The following CHST8 variants were observed in gnomAD, a reference collection of about 807,000 sequenced individuals.
The protein encoded by CHST8 is GALNAC-4-ST1.
Under a neutral mutation model 15.0 loss-of-function variants are expected in CHST8, and 10 were observed. The ratio of observed to expected loss-of-function variants is 0.67; its 90% CI spans 0.41 to 1.13. CHST8 has a LOEUF of 1.13. Ranked by LOEUF, CHST8 falls within the 50% of genes most tolerant of loss-of-function variation. The pLI is 0.00. For synonymous variants in CHST8, 259 were observed against 256.6 expected (o/e 1.01, Z -0.09); for missense variants, 634 against 608.2 (o/e 1.04, Z -0.45).
At chr19:33,742,747 G>GT (rs1329415444) in intron 3 of CHST8, among the ~76,000 whole-genome samples, 2 of 152,086 alleles carry the variant, frequency 1.3e-5, no homozygotes, top group Non-Finnish European at 2.9e-5. Flanking sequence ...TGACTTTCTT[G>GT]TTTTTTGGGA....
rs1024746127 is a variant in CHST8, at chr19:33,773,215, G to T, written c.*152G>T. 5 of 891,890 alleles carry T rather than the reference G, an allele frequency of 5.6e-6. No homozygotes were observed. Among genetic ancestry groups the T allele is most frequent in the African/African-American group, 1.7e-5 (1 of 59,112 alleles). 55.2% of individuals were successfully genotyped at this position (891,890 alleles called of 1,614,324 possible). ...GGGAGGCAGCAGGCCCCGGGTGGGG[G>T]GCAGAGGCGCCCAGCCTTGGATGGG... is the stretch of plus-strand genomic sequence containing the variant. On this transcript the variant is annotated 3_prime_UTR_variant, in exon 5 of 5. Transcript: ENST00000650847.
intron 2 of CHST8, among the ~76,000 whole-genome samples, chr19:33,683,275 T>C (rs1352983155): frequency 2.0e-5 from 3 of 152,194 alleles, no homozygotes; most frequent in Non-Finnish European, 4.4e-5. Flanking sequence ...ATCTCAATGG[T>C]GTGTGTCTTT....
At chr19:33,627,972 C>T (rs925438620) in intron 1 of CHST8, among the ~76,000 whole-genome samples, 1 of 152,042 alleles carries the variant, frequency 6.6e-6, no homozygotes, top group Non-Finnish European at 1.5e-5. Flanking sequence ...TGATTCTAGG[C>T]TGTGATAAGG....
intron 1 of CHST8, among the ~76,000 whole-genome samples, chr19:33,634,194 G>A (rs780033186): frequency 4.6e-5 from 7 of 152,074 alleles, no homozygotes; most frequent in South Asian, 2.1e-4. Flanking sequence ...TGAGTGTTCC[G>A]TACGTAACTC....
At chr19:33,644,489 C>A (rs970740985) in intron 1 of CHST8, among the ~76,000 whole-genome samples, 5 of 152,070 alleles carry the variant, frequency 3.3e-5, no homozygotes, top group African/African-American at 1.2e-4. Context: ...AATTCCAGCA[C>A]TTTGGGAAGC....
chr19:33,635,722 C>T (rs995201958), intron 1 of CHST8, among the ~76,000 whole-genome samples: 1 of 152,160 alleles, frequency 6.6e-6, no homozygotes, highest in Admixed American at 6.6e-5. Flanking sequence ...AGTTGACCCA[C>T]CACACAAGGG....
At chr19:33,756,766 C>T (rs760857221) in intron 3 of CHST8, among the ~76,000 whole-genome samples, 2 of 152,178 alleles carry the variant, frequency 1.3e-5, no homozygotes, top group African/African-American at 4.8e-5. Flanking sequence ...CCTTTTGGGC[C>T]TCACTCTTCT....
chr19:33,698,322 C>T (rs928177853), intron 3 of CHST8, among the ~76,000 whole-genome samples: 4 of 151,500 alleles, frequency 2.6e-5, no homozygotes, highest in Admixed American at 2.6e-4. Context: ...AATCCTTTAT[C>T]CAGTGAGCTG....
chr19:33,765,386 C>T, intron 3 of CHST8, among the ~76,000 whole-genome samples: 1 of 152,060 alleles, frequency 6.6e-6, no homozygotes, highest in East Asian at 1.9e-4. Context: ...TCATTTTAAG[C>T]CTCCCAGTTT....
In CHST8 at chr19:33,681,890, G is replaced by A. The variant is rs114655675; in HGVS notation, c.-86-7286G>A. On this transcript the variant is annotated intron_variant, in intron 2 of 4. Coordinates refer to ENST00000650847, the MANE Select transcript of CHST8 (RefSeq NM_001127895.2). ...TTTTGCTTTTTTTTTTTTTTTAACG[G>A]AGTTTCGCTCTTGTCACCCAGGCTG... Among the ~76,000 whole-genome samples, 1,285 of 150,818 alleles carry A rather than the reference G, an allele frequency of 8.5e-3. 14 individuals carry two copies. Among genetic ancestry groups the A allele is most frequent in the African/African-American group, 0.03 (1,223 of 41,030 alleles).
intron 3 of CHST8, among the ~76,000 whole-genome samples, chr19:33,723,521 C>T (rs1400984423): frequency 6.6e-6 from 1 of 152,170 alleles, no homozygotes; most frequent in Non-Finnish European, 1.5e-5. Context: ...ATTTCACTGC[C>T]ACTCCCTGCT....
intron 3 of CHST8, among the ~76,000 whole-genome samples, chr19:33,691,725 G>T (rs981544424): frequency 2.0e-5 from 3 of 152,230 alleles, no homozygotes; most frequent in Non-Finnish European, 2.9e-5. Flanking sequence ...TGGCTGGGTG[G>T]CCCCAAGGGC....
chr19:33,766,922 A>G (rs1206117838), intron 3 of CHST8, among the ~76,000 whole-genome samples: 9 of 152,226 alleles, frequency 5.9e-5, no homozygotes, highest in Non-Finnish European at 2.9e-5. Context: ...AGGAAATCCC[A>G]AAAGACCAAG....
Position 33,689,251 on chromosome 19 carries a change from GCCAGC to G in CHST8, c.-8_-4del. 1 of 1,566,840 alleles carries G rather than the reference GCCAGC, an allele frequency of 6.4e-7. No homozygotes were observed. Among genetic ancestry groups the G allele is most frequent in the Non-Finnish European group, 8.6e-7 (1 of 1,157,536 alleles). ...CCCACACCCAAGAGGTGACCCCTGA[GCCAGC>G]CCCGGATGACCCTGCGACCTGGAAC... On this transcript the variant is annotated 5_prime_UTR_variant, in exon 3 of 5. Coordinates refer to ENST00000650847, the MANE Select transcript of CHST8 (RefSeq NM_001127895.2).
chr19:33,734,809 G>A (rs909748582), intron 3 of CHST8, among the ~76,000 whole-genome samples: 1 of 152,168 alleles, frequency 6.6e-6, no homozygotes, highest in Admixed American at 6.5e-5. Context: ...GGACCTTCCT[G>A]ACATGGGGAC....
At position 33,658,775 on chromosome 19, in the gene CHST8, C is replaced by T. The variant is rs535491246; in HGVS notation, c.-163-8992C>T. Among the ~76,000 whole-genome samples, 221 of 152,204 alleles carry T rather than the reference C, an allele frequency of 1.5e-3. 2 individuals are homozygous for T. Among genetic ancestry groups the T allele is most frequent in the Middle Eastern group, 0.01 (3 of 294 alleles). ...GCAGTTTGTGTACATTTTTCTGGAA[C>T]ATTCTCAGCCATTATCCTCTCAGTT... On this transcript the variant is annotated intron_variant, in intron 1 of 4. Coordinates refer to ENST00000650847, the MANE Select transcript of CHST8 (RefSeq NM_001127895.2).
At chr19:33,734,474 C>T (rs371661213) in intron 3 of CHST8, among the ~76,000 whole-genome samples, 101 of 152,306 alleles carry the variant, frequency 6.6e-4, no homozygotes, top group African/African-American at 2.2e-3. Context: ...GGGTCTGGAT[C>T]GAGACCCCTT....
chr19:33,767,579 C>G (rs946169130), intron 3 of CHST8, among the ~76,000 whole-genome samples: 1 of 152,240 alleles, frequency 6.6e-6, no homozygotes, highest in Admixed American at 6.5e-5. Context: ...CACCGATGCT[C>G]TTATCATAGC....
intron 3 of CHST8, chr19:33,744,533 CAG>C (rs1974273196): frequency 6.6e-6 from 1 of 152,014 alleles, no homozygotes; most frequent in Non-Finnish European, 1.5e-5. Flanking sequence ...AGTCACCCTT[CAG>C]AAGCTGGATA....
Sources: gnomAD v4.1 joint callset for allele counts (sites outside exome capture counted in the v4.1 genomes callset) on GRCh38, gnomAD v4.1.1 for gene constraint, MANE v1.5 for transcripts, NCBI Gene and HGNC (gene_info 2026-07-23, HGNC 2026-07-21) for gene names.